ZBTB20: variants seen among roughly 807,000 people sequenced by gnomAD.
The protein encoded by ZBTB20 is zinc finger and BTB domain-containing protein 20.
In ZBTB20, 9 loss-of-function variants were observed where a neutral mutation model predicts 56.9. That is an observed-to-expected ratio of 0.16 (90% CI 0.10 to 0.28). ZBTB20 has a LOEUF of 0.28. Among genes scored for constraint, ZBTB20 ranks in the 10% least tolerant of loss-of-function variants. The pLI is 1.00. For missense variants in ZBTB20, 655 were observed against 1,003.0 expected, an observed-to-expected ratio of 0.65 and a Z score of 4.69; for synonymous variants, 417 against 420.7, an observed-to-expected ratio of 0.99 and a Z score of 0.11.
At chr3:114,865,185 G>A (rs2075714574) in intron 4 of ZBTB20, among the ~76,000 whole-genome samples, 1 of 152,126 alleles carries the variant, frequency 6.6e-6, no homozygotes, top group South Asian at 2.1e-4. Flanking sequence ...ATCAAGAATT[G>A]AGTCAACACT....
chr3:115,042,551 T>C (rs534790227), intron 2 of ZBTB20, among the ~76,000 whole-genome samples: 6 of 152,318 alleles, frequency 3.9e-5, no homozygotes, highest in African/African-American at 1.2e-4. Flanking sequence ...ATATTTTTAT[T>C]GAGTACATTC....
intron 1 of ZBTB20, among the ~76,000 whole-genome samples, chr3:115,095,434 T>C (rs547017662): frequency 1.6e-4 from 25 of 152,244 alleles, no homozygotes; most frequent in Non-Finnish European, 1.0e-4. Context: ...AAATGAACTA[T>C]AGAATTACCA....
chr3:114,598,592 G>C (rs912599730), intron 6 of ZBTB20, among the ~76,000 whole-genome samples: 7 of 151,962 alleles, frequency 4.6e-5, no homozygotes, highest in African/African-American at 1.7e-4. Context: ...AAATAAGATG[G>C]AGAATTTTAC....
intron 11 of ZBTB20, among the ~76,000 whole-genome samples, chr3:114,346,343 T>G (rs1256200071): frequency 6.6e-6 from 1 of 152,206 alleles, no homozygotes; most frequent in Non-Finnish European, 1.5e-5. Flanking sequence ...GGATTTTTAA[T>G]TTTTCTAATT....
At chr3:114,584,733 G>T (rs529579826) in intron 6 of ZBTB20, among the ~76,000 whole-genome samples, 1 of 152,278 alleles carries the variant, frequency 6.6e-6, no homozygotes, top group South Asian at 2.1e-4. Context: ...GGTTCTCATG[G>T]ATGGACAATG....
At chr3:114,888,821 C>T (rs1028530061) in intron 4 of ZBTB20, among the ~76,000 whole-genome samples, 6 of 152,128 alleles carry the variant, frequency 3.9e-5, no homozygotes, top group African/African-American at 1.4e-4. Context: ...CTATTTGCTA[C>T]ACAAATTTAA....
At chr3:114,450,663 A>G (rs1264057007) in intron 7 of ZBTB20, among the ~76,000 whole-genome samples, 1 of 152,170 alleles carries the variant, frequency 6.6e-6, no homozygotes, top group Non-Finnish European at 1.5e-5. Context: ...ATATCCTGAT[A>G]CAAACAGGAT....
chr3:114,786,023 G>A (rs1202348711), intron 5 of ZBTB20, among the ~76,000 whole-genome samples: 3 of 151,758 alleles, frequency 2.0e-5, no homozygotes, highest in African/African-American at 7.3e-5. Flanking sequence ...TAAGTTCTGG[G>A]ATACATGTAC....
chr3:114,616,534 C>T (rs1336889412), intron 6 of ZBTB20, among the ~76,000 whole-genome samples: 1 of 152,140 alleles, frequency 6.6e-6, no homozygotes, highest in Admixed American at 6.6e-5. Flanking sequence ...ATAATAGTTG[C>T]TCATGATAAT....
chr3:114,598,404 C>CT (rs1419685369), intron 6 of ZBTB20, among the ~76,000 whole-genome samples: 1 of 8,512 alleles, frequency 1.2e-4, no homozygotes, highest in Admixed American at 2.4e-3. Flanking sequence ...TGTAAAGTTG[C>CT]TAAAAAAAAA....
intron 2 of ZBTB20, among the ~76,000 whole-genome samples, chr3:115,045,180 C>T (rs1465149480): frequency 6.6e-6 from 1 of 152,034 alleles, no homozygotes; most frequent in Non-Finnish European, 1.5e-5. Flanking sequence ...TATAATAACT[C>T]GTGAATCCCA....
At chr3:115,079,894 T>G (rs1343220849) in intron 1 of ZBTB20, among the ~76,000 whole-genome samples, 4 of 152,136 alleles carry the variant, frequency 2.6e-5, no homozygotes, top group African/African-American at 9.7e-5. Flanking sequence ...AGAAATAGAG[T>G]GCCTACAATG....
At chr3:114,555,557 T>G (rs1395558325) in intron 6 of ZBTB20, among the ~76,000 whole-genome samples, 1 of 152,092 alleles carries the variant, frequency 6.6e-6, no homozygotes, top group East Asian at 1.9e-4. Flanking sequence ...ACTGTCCACA[T>G]GAGTAGACAT....
In ZBTB20 at chr3:114,948,421, T is replaced by A. The variant is rs545958528; in HGVS notation, c.-456+25945A>T. On this transcript the variant is annotated intron_variant, in intron 3 of 11. Coordinates refer to ENST00000675478, the MANE Select transcript of ZBTB20 (RefSeq NM_001348800.3). ...AGTGCACACAAGTGGTCCTAGCTAG[T>A]GCAACAAGTCAAAAACACTTATAAA... 1.3e-3 allele frequency among the ~76,000 whole-genome samples: 194 copies of A among 146,066 alleles called. 40 individuals are homozygous for A. Among genetic ancestry groups the A allele is most frequent in the African/African-American group, 5.2e-3 (188 of 35,914 alleles).
intron 2 of ZBTB20, among the ~76,000 whole-genome samples, chr3:114,976,703 TGGCCAGCATA>T (rs1200949601): frequency 2.0e-5 from 3 of 152,076 alleles, no homozygotes; most frequent in African/African-American, 7.2e-5. Context: ...CCTAGTATAA[TGGCCAGCATA>T]TACCAAACAG....
At chr3:114,744,291 C>T (rs1430134376) in intron 5 of ZBTB20, among the ~76,000 whole-genome samples, 1 of 152,092 alleles carries the variant, frequency 6.6e-6, no homozygotes, top group Non-Finnish European at 1.5e-5. Flanking sequence ...AGACAGTATT[C>T]CTCTTCCTCA....
At chr3:115,091,692 A>C (rs1022615961) in intron 1 of ZBTB20, among the ~76,000 whole-genome samples, 5 of 149,838 alleles carry the variant, frequency 3.3e-5, no homozygotes, top group Non-Finnish European at 5.9e-5. Flanking sequence ...ATATATATAT[A>C]ACACACACAT....
At chr3:114,620,166 T>A (rs1470811344) in intron 6 of ZBTB20, among the ~76,000 whole-genome samples, 1 of 152,210 alleles carries the variant, frequency 6.6e-6, no homozygotes, top group Non-Finnish European at 1.5e-5. Context: ...GTGGGGAACC[T>A]TAGCAATCTT....
chr3:114,844,621 T>G (rs1038257858), intron 4 of ZBTB20, among the ~76,000 whole-genome samples: 2 of 147,950 alleles, frequency 1.4e-5, no homozygotes, highest in African/African-American at 4.9e-5. Context: ...TACATTTAAC[T>G]TTTTAAAAAC....
Sources: gnomAD v4.1 joint callset for allele counts (sites outside exome capture counted in the v4.1 genomes callset) on GRCh38, gnomAD v4.1.1 for gene constraint, MANE v1.5 for transcripts, NCBI Gene and HGNC (gene_info 2026-07-23, HGNC 2026-07-21) for gene names.